Variants in UBR3 observed in about 807,000 individuals in gnomAD.
The protein encoded by UBR3 is ubiquitin protein ligase E3 component n-recognin 3, also known as E3 ubiquitin-protein ligase UBR3.
In UBR3, 85 loss-of-function variants were observed where a neutral mutation model predicts 243.2. The ratio of observed to expected loss-of-function variants is 0.35; its 90% confidence interval spans 0.29 to 0.42. UBR3 has a LOEUF of 0.42. Among genes scored for constraint, UBR3 ranks in the 10% least tolerant of loss-of-function variants. The pLI, the probability that UBR3 is intolerant of heterozygous loss-of-function variation, is 1.00. For missense variants in UBR3, 1,686 were observed against 2,300.8 expected (o/e 0.73, Z 5.47); for synonymous variants, 748 against 799.8 (o/e 0.94, Z 1.09).
intron 1 of UBR3, among the ~76,000 whole-genome samples, chr2:169,867,923 G>C (rs2083311887): frequency 6.6e-6 from 1 of 151,940 alleles, no homozygotes. Flanking sequence ...AAAGAGTAGG[G>C]ATTTTTTTTT....
chr2:169,949,154 G>C (rs2086906745), intron 22 of UBR3, among the ~76,000 whole-genome samples: 1 of 151,874 alleles, frequency 6.6e-6, no homozygotes, highest in Non-Finnish European at 1.5e-5. Flanking sequence ...TACTAGTTCA[G>C]ATTTATTAGC....
chr2:169,856,718 G>C (rs2082881705), intron 1 of UBR3, among the ~76,000 whole-genome samples: 1 of 152,100 alleles, frequency 6.6e-6, no homozygotes, highest in Admixed American at 6.5e-5. Context: ...TGCAATCCCA[G>C]GCACTCGGTA....
intron 19 of UBR3, among the ~76,000 whole-genome samples, chr2:169,934,078 T>A (rs1282878375): frequency 6.6e-6 from 1 of 152,222 alleles, no homozygotes; most frequent in Non-Finnish European, 1.5e-5. Flanking sequence ...CTTGAGGGAA[T>A]ATATTTTTAT....
At position 170,033,788 on chromosome 2, in the gene UBR3, A is replaced by G. The variant is rs549551417; in HGVS notation, c.4556+4340A>G. Among the ~76,000 whole-genome samples, 4 of 151,588 alleles carry G rather than the reference A, an allele frequency of 2.6e-5. No individual in the cohort carries two copies. In the East Asian group the frequency reaches 7.7e-4, roughly 29 times the overall value. On this transcript the variant is annotated intron_variant, in intron 31 of 38. Transcript: ENST00000272793. ...AGGTTTTTCATATATACTTTTTTCTATAATCCTATGAAAATTATTTTATTT... is the reference window on the plus strand; with the variant it reads ...AGGTTTTTCATATATACTTTTTTCTGTAATCCTATGAAAATTATTTTATTT...
chr2:170,013,786 A>G, intron 29 of UBR3: 2 of 368,544 alleles, frequency 5.4e-6, no homozygotes, highest in South Asian at 4.6e-5. Context: ...TAAAAGTACT[A>G]TCTAGGAAAT....
intron 19 of UBR3, among the ~76,000 whole-genome samples, chr2:169,942,023 A>G (rs2086610599): frequency 6.6e-6 from 1 of 152,228 alleles, no homozygotes; most frequent in Non-Finnish European, 1.5e-5. Flanking sequence ...GCACAGTGTT[A>G]GTGCTTGTCA....
intron 5 of UBR3, among the ~76,000 whole-genome samples, chr2:169,881,972 T>TATAA (rs2083878053): frequency 2.0e-5 from 2 of 100,920 alleles, no homozygotes; most frequent in Non-Finnish European, 4.2e-5. Context: ...ACATATGTAA[T>TATAA]TATATTATAT....
chr2:170,073,465 G>A lies in UBR3; in HGVS notation c.5057G>A (p.Gly1686Glu), dbSNP rs748975488. 5 of 1,613,704 alleles carry A rather than the reference G, an allele frequency of 3.1e-6. No individual in the cohort carries two copies. The highest frequency in any genetic ancestry group is 3.3e-5 in the Admixed American group (2 of 60,006). ...EEFSVLASCL[G>E]LLPTFYQTEH... ...TTTTCAGTTCTTGCCAGCTGCCTGG[G>A]ACTTCTGCCAACGTTTTACCAAACA... The change falls in exon 36 of 39, where the codon GGA becomes GAA. Residue 1686 changes from glycine to glutamate, a missense_variant. By Grantham distance (98) the Gly-to-Glu change is moderately conservative (BLOSUM62 -2). Coordinates refer to ENST00000272793, the MANE Select transcript of UBR3 (RefSeq NM_172070.4).
In UBR3 at chr2:169,938,275, T is replaced by C. The variant is rs929734557; in HGVS notation, c.2664-4218T>C. Among the ~76,000 whole-genome samples, 46 of 142,372 alleles carry C rather than the reference T, an allele frequency of 3.2e-4. No homozygotes were observed. The Middle Eastern group carries it at 0.014, about 45-fold the overall frequency. The allele number at this position is 142,372 out of a possible 152,430, so 93.4% of individuals were successfully genotyped here. ...TGATTTGCAAATATTTTCTTTCTCCTTTTTTTTTTTTTTTGAGACACTGTC... is the reference window on the plus strand; with the variant it reads ...TGATTTGCAAATATTTTCTTTCTCCCTTTTTTTTTTTTTTGAGACACTGTC... On this transcript the variant is annotated intron_variant, in intron 19 of 38. Coordinates refer to ENST00000272793, the MANE Select transcript of UBR3 (RefSeq NM_172070.4).
chr2:170,073,828 G>A (rs2091750973), intron 36 of UBR3, among the ~76,000 whole-genome samples: 1 of 152,136 alleles, frequency 6.6e-6, no homozygotes, highest in African/African-American at 2.4e-5. Context: ...TTTGTTTGGG[G>A]TCAGCAGATT....
At position 170,047,453 on chromosome 2, in the gene UBR3, T is replaced by G. The variant is rs1348567845; in HGVS notation, c.4660+6468T>G. On this transcript the variant is annotated intron_variant, in intron 32 of 38. Coordinates refer to ENST00000272793, the MANE Select transcript of UBR3 (RefSeq NM_172070.4). ...TTTTACCAGATTTTCAAAAGGATTTTGACCTCTAAAATTTAATTACTTATA... is the reference window on the plus strand; with the variant it reads ...TTTTACCAGATTTTCAAAAGGATTTGGACCTCTAAAATTTAATTACTTATA... 2.0e-5 allele frequency among the ~76,000 whole-genome samples: 3 copies of G among 152,224 alleles called. No homozygotes were observed. In the East Asian group the frequency reaches 5.8e-4, roughly 29 times the overall value.
chr2:169,868,022 T>C (rs569379411), intron 1 of UBR3, among the ~76,000 whole-genome samples: 22 of 152,300 alleles, frequency 1.4e-4, no homozygotes, highest in African/African-American at 4.3e-4. Context: ...TATGATCTTT[T>C]TATTAGGGAA....
chr2:169,940,347 T>C (rs545370731), intron 19 of UBR3, among the ~76,000 whole-genome samples: 2 of 152,216 alleles, frequency 1.3e-5, no homozygotes, highest in Non-Finnish European at 2.9e-5. Context: ...TTTTCTGTTA[T>C]GATTTTTAAT....
intron 20 of UBR3, among the ~76,000 whole-genome samples, chr2:169,943,505 G>A (rs2086670028): frequency 6.6e-6 from 1 of 152,190 alleles, no homozygotes; most frequent in Non-Finnish European, 1.5e-5. Flanking sequence ...GGAGGCCAAG[G>A]CAGGAGAATT....
chr2:169,875,571 C>T (rs1298240034), intron 2 of UBR3, among the ~76,000 whole-genome samples: 1 of 152,186 alleles, frequency 6.6e-6, no homozygotes, highest in Non-Finnish European at 1.5e-5. Flanking sequence ...TTTCCATCTA[C>T]TGTTTTCCAA....
intron 36 of UBR3, chr2:170,077,074 C>T (rs146295266): frequency 0.01 from 3,938 of 377,206 alleles, 35 homozygotes; most frequent in South Asian, 0.02. Flanking sequence ...AATTTAAGAC[C>T]GAATTTTTTT....
At chr2:169,903,011 C>G (rs956996996) in intron 8 of UBR3, among the ~76,000 whole-genome samples, 1 of 152,154 alleles carries the variant, frequency 6.6e-6, no homozygotes, top group African/African-American at 2.4e-5. Flanking sequence ...AGATGTTAAT[C>G]TCCATGAAGA....
At chr2:170,025,119 G>A (rs2090493809) in intron 30 of UBR3, among the ~76,000 whole-genome samples, 1 of 152,082 alleles carries the variant, frequency 6.6e-6, no homozygotes, top group Admixed American at 6.6e-5. Context: ...GATATATAAT[G>A]CTCAGACTAC....
intron 1 of UBR3, among the ~76,000 whole-genome samples, chr2:169,871,066 TC>T (rs142933903): frequency 0.065 from 9,912 of 152,280 alleles, 340 homozygotes; most frequent in Non-Finnish European, 0.084. Flanking sequence ...TCTCTTCCCT[TC>T]TACTTATTTC....
Sources: allele counts gnomAD v4.1 joint callset (sites outside exome capture counted in the v4.1 genomes callset), GRCh38; gene constraint gnomAD v4.1.1; transcripts MANE v1.5; gene names NCBI Gene and HGNC (gene_info 2026-07-23, HGNC 2026-07-21).